BTK: variants seen among roughly 807,000 people sequenced by gnomAD.
BTK encodes the protein Bruton tyrosine kinase.
In BTK, 5 loss-of-function variants were observed where a neutral mutation model predicts 57.4. The ratio of observed to expected loss-of-function variants is 0.09; its 90% CI spans 0.05 to 0.18. The LOEUF is 0.18. BTK is among the 10% of genes least tolerant of loss of function. BTK has a pLI of 1.00. For synonymous variants in BTK, 154 were observed against 174.3 expected (o/e 0.88, Z 0.92); for missense variants, 194 against 501.2 (o/e 0.39, Z 5.85).
intron 1 of BTK, among the ~76,000 whole-genome samples, chrX:101,377,453 G>T (rs782617871): frequency 9.0e-6 from 1 of 110,870 alleles, no homozygotes; most frequent in African/African-American, 3.3e-5. Context: ...CAGTAAATGG[G>T]GTCAGAAGCA....
intron 18 of BTK, among the ~76,000 whole-genome samples, chrX:101,350,340 G>C (rs1287661751): frequency 9.7e-6 from 1 of 103,349 alleles, no homozygotes; most frequent in Non-Finnish European, 2.0e-5. Flanking sequence ...ATAATTTTTA[G>C]TGATTAATAT....
At chrX:101,369,862 C>A in intron 5 of BTK, 136 bp downstream of exon 5, 5 of 501,112 alleles carry the variant, frequency 1.0e-5, no homozygotes, top group Non-Finnish European at 1.2e-5. Context: ...CCATTTTTTT[C>A]TTCTTTTCTC....
intron 13 of BTK, among the ~76,000 whole-genome samples, 153 bp from the exon 14 acceptor site, chrX:101,357,108 C>T (rs782609706): frequency 1.4e-4 from 16 of 111,892 alleles, no homozygotes; most frequent in Non-Finnish European, 2.6e-4. Flanking sequence ...ATCTCAGAAA[C>T]GGGATTCATT....
intron 8 of BTK, 42 bp downstream of exon 8, chrX:101,360,526 G>A (rs782736040): frequency 8.4e-7 from 1 of 1,188,735 alleles, no homozygotes; most frequent in South Asian, 1.8e-5. Context: ...CGTGTAGGGA[G>A]TGGGCAGGCA....
At position 101,356,058 on chromosome X, in the gene BTK, T is replaced by G; in HGVS notation, c.1560A>C (p.Arg520=). The G allele has an allele frequency of 8.3e-7, 1 of 1,210,631 alleles. No homozygotes were observed. The highest frequency in any genetic ancestry group is 1.1e-6 in the Non-Finnish European group (1 of 894,724). Residue 520 remains arginine, a synonymous_variant, in exon 15 of 19, where the codon CGA becomes CGC. Transcript: ENST00000308731. ...EYLESKQFLH[R]DLAARNCLVN... is the part of the protein sequence containing the mutation. ...AATCCTTCTAAGGTCCCACCAGGTC[T>G]CGGTGAAGGAACTGCTTTGACTCCA...
At chrX:101,371,445 T>C (rs1348935674) in intron 4 of BTK, among the ~76,000 whole-genome samples, 188 bp downstream of exon 4, 2 of 111,925 alleles carry the variant, frequency 1.8e-5, no homozygotes, top group East Asian at 5.6e-4. Flanking sequence ...AGAAACTATG[T>C]TAGATTAGGT....
chrX:101,351,084 C>T (rs1926273412), intron 18 of BTK, among the ~76,000 whole-genome samples: 2 of 111,682 alleles, frequency 1.8e-5, no homozygotes, highest in South Asian at 7.4e-4. Context: ...CAACCTCCAC[C>T]TCCTGGGTTC....
intron 3 of BTK, among the ~76,000 whole-genome samples, chrX:101,372,738 C>A (rs1927073813): frequency 9.2e-6 from 1 of 108,305 alleles, no homozygotes; most frequent in African/African-American, 3.3e-5. Context: ...AGCCACCACG[C>A]CCCACCTGAA....
At chrX:101,355,573 G>GATCATTAAA in intron 15 of BTK, 1 of 122,224 alleles carries the variant, frequency 8.2e-6, no homozygotes, top group Non-Finnish European at 1.7e-5. Context: ...AGAGAAGCTG[G>GATCATTAAA]AAATTCCAGG....
chrX:101,375,102 C>T (rs1555980856), intron 2 of BTK, 42 bp downstream of exon 2: 3 of 1,206,128 alleles, frequency 2.5e-6, no homozygotes, highest in Non-Finnish European at 3.4e-6. Flanking sequence ...AGGCCAAGTC[C>T]TTGATATCTT....
upstream of BTK, among the ~76,000 whole-genome samples, chrX:101,387,501 A>T (rs1280678720): frequency 5.6e-5 from 6 of 107,920 alleles, no homozygotes; most frequent in African/African-American, 2.0e-4. Context: ...ATAGGCACAC[A>T]TCACTGTGCT....
At chrX:101,385,041 G>T (rs1298659404) in intron 1 of BTK, among the ~76,000 whole-genome samples, 2 of 111,685 alleles carry the variant, frequency 1.8e-5, no homozygotes, top group Non-Finnish European at 3.8e-5. Flanking sequence ...ACATGTATTT[G>T]CACATTTACT....
chrX:101,370,655 TATC>T (rs1555980155), intron 4 of BTK, among the ~76,000 whole-genome samples: 1 of 111,863 alleles, frequency 8.9e-6, no homozygotes, highest in Admixed American at 9.5e-5. Flanking sequence ...TAATAAGCAA[TATC>T]ATCAAGTCAA....
At chrX:101,378,899 C>T (rs782341216) in intron 1 of BTK, among the ~76,000 whole-genome samples, 69 of 111,350 alleles carry the variant, frequency 6.2e-4, no homozygotes, top group African/African-American at 2.1e-3. Context: ...TAAGTCCAGG[C>T]GCAGTGGCTC....
intron 1 of BTK, among the ~76,000 whole-genome samples, chrX:101,379,948 G>T (rs1363485513): frequency 4.5e-5 from 5 of 111,772 alleles, no homozygotes; most frequent in African/African-American, 1.6e-4. Context: ...TTCCCAAGGA[G>T]ATTCTGTCTA....
At chrX:101,375,045 CCCT>C (rs1377567225) in intron 2 of BTK, 96 bp downstream of exon 2, 16 of 1,039,672 alleles carry the variant, frequency 1.5e-5, no homozygotes, top group Non-Finnish European at 2.1e-5. Context: ...CATTCTACTC[CCCT>C]CCTCCTACCA....
intron 13 of BTK, 34 bp from the exon 14 acceptor site, chrX:101,356,989 T>G (rs782548560): frequency 1.2e-5 from 14 of 1,195,665 alleles, no homozygotes; most frequent in Non-Finnish European, 4.5e-6. Flanking sequence ...TTCTTTGGGG[T>G]CATGAATGTA....
intron 13 of BTK, among the ~76,000 whole-genome samples, chrX:101,357,250 T>A (rs1024907087): frequency 5.4e-5 from 6 of 111,224 alleles, no homozygotes; most frequent in African/African-American, 1.6e-4. Flanking sequence ...GTACTGAAAA[T>A]TTTCCCACAA....
At chrX:101,386,840 G>A (rs964263442), upstream of BTK, among the ~76,000 whole-genome samples, 2 of 112,085 alleles carry the variant, frequency 1.8e-5, no homozygotes, top group African/African-American at 3.2e-5. Context: ...TGGCCTCAGG[G>A]ATTAACTCTC....
Sources: allele counts gnomAD v4.1 joint callset (sites outside exome capture counted in the v4.1 genomes callset), GRCh38; gene constraint gnomAD v4.1.1; transcripts MANE v1.5; gene names NCBI Gene and HGNC (gene_info 2026-07-23, HGNC 2026-07-21).